The following CELF2 variants were observed in gnomAD, a reference collection of about 807,000 sequenced individuals.
The protein encoded by CELF2 is CUGBP Elav-like family member 2.
Under a neutral mutation model 62.6 loss-of-function variants are expected in CELF2, and 8 were observed. The ratio of observed to expected loss-of-function variants is 0.13; its 90% CI spans 0.07 to 0.23. The LOEUF (loss-of-function observed/expected upper bound fraction) is 0.23, where lower values mean the gene tolerates loss of function less well. Ranked by LOEUF, CELF2 falls within the 10% of genes least tolerant of loss-of-function variation. The pLI is 1.00. For missense variants in CELF2, 333 were observed against 671.0 expected, an observed-to-expected ratio of 0.50 and a Z score of 5.56; for synonymous variants, 258 against 250.0, an observed-to-expected ratio of 1.03 and a Z score of -0.30.
At chr10:10,788,370 A>T in the CELF2 span, among the ~76,000 whole-genome samples, 1 of 152,100 alleles carries the variant, frequency 6.6e-6, no homozygotes, top group African/African-American at 2.4e-5. Flanking sequence ...TAACTTAGTA[A>T]ATAAGGAAAG....
intron 1 of CELF2, chr10:10,846,134 A>G: frequency 3.0e-6 from 3 of 984,870 alleles, no homozygotes; most frequent in South Asian, 4.7e-5. Flanking sequence ...CTTTGACGAT[A>G]TTTGGGAACC....
At chr10:11,164,299 C>T (rs1336627852) in intron 1 of CELF2, among the ~76,000 whole-genome samples, 1 of 152,196 alleles carries the variant, frequency 6.6e-6, no homozygotes, top group Non-Finnish European at 1.5e-5. Flanking sequence ...TTTTGCTTTA[C>T]TGTTTATTCC....
Position 11,267,732 on chromosome 10 carries a change from C to G in CELF2, c.618+1055C>G, listed in dbSNP as rs2082559656. The stretch of plus-strand genomic sequence containing the variant: ...GCAATGCTGCATCTCCCAAAGCATG[C>G]TGGGAGCTAAGTGATCATTATGCGT... On this transcript the variant is annotated intron_variant, in intron 6 of 12. Coordinates refer to ENST00000633077, the MANE Select transcript of CELF2 (RefSeq NM_001326342.2). This position sits in a 1 kb window ranked among gnomAD's most constrained non-coding sequence, Gnocchi z 4.4. 6.6e-6 allele frequency among the ~76,000 whole-genome samples: 1 copy of G among 151,914 alleles called. No homozygotes were observed. The highest frequency in any genetic ancestry group is 1.9e-4 in the East Asian group (1 of 5,186).
chr10:10,717,855 C>T, the CELF2 span, among the ~76,000 whole-genome samples: 3 of 152,116 alleles, frequency 2.0e-5, no homozygotes. Flanking sequence ...GTTAGTGTCT[C>T]TGTGGATATT....
chr10:11,086,669 C>T (rs911207589), intron 1 of CELF2, among the ~76,000 whole-genome samples: 16 of 144,656 alleles, frequency 1.1e-4, no homozygotes, highest in African/African-American at 3.6e-4. Flanking sequence ...ATAAATCTCT[C>T]GAGGCATTCA....
chr10:10,647,670 A>C, the CELF2 span, among the ~76,000 whole-genome samples: 1 of 152,214 alleles, frequency 6.6e-6, no homozygotes, highest in African/African-American at 2.4e-5. Context: ...GCCTTGGAGA[A>C]ATAGTCCCCA....
chr10:10,897,478 G>A (rs1287068876), intron 1 of CELF2, among the ~76,000 whole-genome samples: 2 of 152,038 alleles, frequency 1.3e-5, no homozygotes, highest in African/African-American at 4.8e-5. Context: ...AATTGAGGGA[G>A]TAACTATTAA....
At chr10:11,127,518 AAAGTG>A (rs1301514092) in intron 1 of CELF2, among the ~76,000 whole-genome samples, 1 of 152,194 alleles carries the variant, frequency 6.6e-6, no homozygotes, top group Non-Finnish European at 1.5e-5. Context: ...CAATAGTGTA[AAAGTG>A]TTCCTATTTC....
intron 1 of CELF2, among the ~76,000 whole-genome samples, chr10:11,037,321 C>G (rs904365511): frequency 6.6e-6 from 1 of 152,218 alleles, no homozygotes; most frequent in East Asian, 1.9e-4. Flanking sequence ...ATTCAGTTAC[C>G]TCCTAACAGG....
intron 2 of CELF2, among the ~76,000 whole-genome samples, chr10:11,166,087 C>A (rs1183826387): frequency 1.3e-5 from 2 of 152,246 alleles, no homozygotes; most frequent in African/African-American, 2.4e-5. Flanking sequence ...CATGTAATTA[C>A]AATTGCATTT....
Position 11,270,903 on chromosome 10 carries a change from C to A in CELF2, c.777+79C>A. ...GACTTTTCCCCTCCCTACGCTGAGG[C>A]ATTTGTTTTCAGTACATTTTCAATC... On this transcript the variant is annotated intron_variant, in intron 7 of 12. Coordinates refer to ENST00000633077, the MANE Select transcript of CELF2 (RefSeq NM_001326342.2). This position sits in a 1 kb window ranked among gnomAD's most constrained non-coding sequence, Gnocchi z 5.8. 2 of 1,220,994 alleles carry A rather than the reference C, an allele frequency of 1.6e-6. No individual in the cohort carries two copies. The highest frequency in any genetic ancestry group is 2.1e-6 in the Non-Finnish European group (2 of 933,548). 75.6% of individuals were successfully genotyped at this position (1,220,994 alleles called of 1,614,324 possible).
In CELF2 at chr10:11,145,802, G is replaced by A. The variant is rs182917296; in HGVS notation, c.75-19684G>A. Among the ~76,000 whole-genome samples, 23 of 152,274 alleles carry A rather than the reference G, an allele frequency of 1.5e-4. No homozygotes were observed. The East Asian group carries it at 3.3e-3, about 22-fold the overall frequency. Reference sequence around the variant, plus strand: ...CCAGTATTGGTTGCACTACTGTAGCGTTCTGGGTGCTGGGGATCAGGTTAG... The same window carrying A: ...CCAGTATTGGTTGCACTACTGTAGCATTCTGGGTGCTGGGGATCAGGTTAG... On this transcript the variant is annotated intron_variant, in intron 1 of 12. Transcript: ENST00000633077. The surrounding 1 kb of genome is among the most constrained non-coding windows in gnomAD (Gnocchi z 4.3).
chr10:10,521,409 G>T, the CELF2 span, among the ~76,000 whole-genome samples: 1 of 152,150 alleles, frequency 6.6e-6, no homozygotes, highest in East Asian at 1.9e-4. Flanking sequence ...CTAAGTCAAG[G>T]TTCTGTGCCT....
rs1015040026 is a variant in CELF2, at chr10:11,110,881, G to T, written c.75-54605G>T. 5.3e-5 allele frequency among the ~76,000 whole-genome samples: 8 copies of T among 152,228 alleles called. No individual in the cohort carries two copies. The East Asian group carries it at 1.3e-3, about 26-fold the overall frequency. ...TAGACCCCCACTAACAAGGAGCAAA[G>T]CCCTTGGAAACGCAGCACTGCAATG... On this transcript the variant is annotated intron_variant, in intron 1 of 12. Coordinates refer to ENST00000633077, the MANE Select transcript of CELF2 (RefSeq NM_001326342.2). This position sits in a 1 kb window ranked among gnomAD's most constrained non-coding sequence, Gnocchi z 4.0.
chr10:11,233,022 G>A (rs1316066894), intron 3 of CELF2, among the ~76,000 whole-genome samples: 1 of 152,176 alleles, frequency 6.6e-6, no homozygotes, highest in Non-Finnish European at 1.5e-5. Context: ...CACTCTGTAA[G>A]TTTCATTGTA....
the CELF2 span, among the ~76,000 whole-genome samples, chr10:10,780,133 AC>A: frequency 6.6e-6 from 1 of 152,260 alleles, no homozygotes; most frequent in Admixed American, 6.5e-5. Flanking sequence ...GGAATAGTCC[AC>A]ACTTTCTTTG....
chr10:11,271,033 A>G (rs1590242855), intron 7 of CELF2, among the ~76,000 whole-genome samples: 1 of 152,244 alleles, frequency 6.6e-6, no homozygotes, highest in Non-Finnish European at 1.5e-5. Context: ...TAGGAGGGGC[A>G]AAGTCCCACA....
the CELF2 span, among the ~76,000 whole-genome samples, chr10:10,683,605 T>C: frequency 3.9e-5 from 6 of 152,240 alleles, no homozygotes; most frequent in East Asian, 1.9e-4. Flanking sequence ...AAAATAATAA[T>C]GGAAAATACC....
intron 2 of CELF2, among the ~76,000 whole-genome samples, chr10:10,962,676 G>T (rs2049655479): frequency 6.6e-6 from 1 of 152,218 alleles, no homozygotes; most frequent in South Asian, 2.1e-4. Flanking sequence ...AGTGAGCCAT[G>T]ACTGGGCTGT....
Sources: gnomAD v4.1 joint callset for allele counts (sites outside exome capture counted in the v4.1 genomes callset) on GRCh38, gnomAD v4.1.1 for gene constraint, Gnocchi (gnomAD v3.1) non-coding constraint, MANE v1.5 for transcripts, NCBI Gene and HGNC (gene_info 2026-07-23, HGNC 2026-07-21) for gene names.